The following PAIP2 variants were observed in gnomAD, a reference collection of about 807,000 sequenced individuals.
The protein encoded by PAIP2 is poly(A) binding protein interacting protein 2.
A neutral mutation model predicts 14.8 loss-of-function variants in PAIP2; 7 were observed. That is an observed-to-expected ratio of 0.47 (90% CI 0.27 to 0.89). The LOEUF is 0.89. Ranked by LOEUF, PAIP2 falls within the 40% of genes least tolerant of loss-of-function variation. The pLI, the probability that PAIP2 is intolerant of heterozygous loss-of-function variation, is 0.13. For synonymous variants in PAIP2, 47 were observed against 45.3 expected (o/e 1.04, Z -0.15); for missense variants, 122 against 154.7 (o/e 0.79, Z 1.12).
intron 1 of PAIP2, among the ~76,000 whole-genome samples, chr5:139,345,817 T>G (rs1336845571): frequency 6.6e-6 from 1 of 151,124 alleles, no homozygotes; most frequent in African/African-American, 2.4e-5. Context: ...TTAGGAGAGA[T>G]GGGGTTTCAC....
At chr5:139,351,674 A>G (rs1445376715) in intron 1 of PAIP2, among the ~76,000 whole-genome samples, 3 of 151,736 alleles carry the variant, frequency 2.0e-5, no homozygotes, top group Non-Finnish European at 4.4e-5. Context: ...TGTACTTTTT[A>G]CATTCATCCC....
intron 1 of PAIP2, among the ~76,000 whole-genome samples, chr5:139,347,301 T>G (rs1756581601): frequency 7.2e-6 from 1 of 138,418 alleles, no homozygotes; most frequent in Non-Finnish European, 1.5e-5. Flanking sequence ...TAAGACACAG[T>G]TCCGCTCTGT....
intron 1 of PAIP2, among the ~76,000 whole-genome samples, chr5:139,362,535 G>A (rs1391921439): frequency 2.7e-5 from 4 of 148,366 alleles, no homozygotes; most frequent in Non-Finnish European, 5.9e-5. Context: ...CTCAGCCTCC[G>A]GAGTAGCTGG....
At chr5:139,363,553 C>CA (rs1179447062) in intron 1 of PAIP2, among the ~76,000 whole-genome samples, 1 of 151,720 alleles carries the variant, frequency 6.6e-6, no homozygotes, top group Non-Finnish European at 1.5e-5. Context: ...CTTGTTTCTA[C>CA]AAAAAATAAA....
In PAIP2 at chr5:139,363,821, A is replaced by T. The variant is rs1057506035; in HGVS notation, c.37A>T (p.Ile13Phe). Residue 13 changes from isoleucine to phenylalanine, a missense_variant, in exon 2 of 4, where the codon ATC becomes TTC. Around this residue, in one of 3 missense-constraint regions of PAIP2, gnomAD observed 42 missense variants for 36.7 expected, o/e 1.15. Transcript: ENST00000265192. ...AAGTCGCAGCAGTACTAGCCCAAGC[A>T]TCATCAATGAAGATGTGATTATTAA... ...DPSRSSTSPS[I>F]INEDVIINGH... 1.2e-6 allele frequency: 2 copies of T among 1,614,206 alleles called. No homozygotes were observed.
chr5:139,369,219 ATC>A lies in PAIP2; in HGVS notation c.*424_*425del, dbSNP rs1757496858. 6.5e-6 allele frequency: 1 copy of A among 153,982 alleles called. No homozygotes were observed. 9.5% of individuals were successfully genotyped at this position (153,982 alleles called of 1,614,324 possible). A position where few individuals can be genotyped will look rare whatever the true frequency, so the allele number is the denominator to read the frequency against. ...TTTGATTATGTCCCCATCAAAAAGA[ATC>A]TCCATTTTCTGAAGGTCTGTTAGTT... On this transcript the variant is annotated 3_prime_UTR_variant, in exon 4 of 4. Transcript: ENST00000265192.
intron 1 of PAIP2, among the ~76,000 whole-genome samples, chr5:139,358,712 T>A (rs1256054233): frequency 6.6e-6 from 1 of 152,204 alleles, no homozygotes; most frequent in Non-Finnish European, 1.5e-5. Flanking sequence ...TGCTACAACA[T>A]AGGTGAACCT....
chr5:139,368,361 TAAATA>T (rs1206589730), intron 3 of PAIP2, among the ~76,000 whole-genome samples: 1 of 146,086 alleles, frequency 6.8e-6, no homozygotes, highest in African/African-American at 2.6e-5. Context: ...ACTAAATAAA[TAAATA>T]AAAATACAAA....
intron 1 of PAIP2, among the ~76,000 whole-genome samples, chr5:139,355,472 A>G (rs1230463339): frequency 6.6e-6 from 1 of 152,028 alleles, no homozygotes; most frequent in African/African-American, 2.4e-5. Flanking sequence ...ACGGCCCACT[A>G]TTTGTCTCTA....
intron 1 of PAIP2, among the ~76,000 whole-genome samples, chr5:139,361,804 G>T (rs1757073447): frequency 6.6e-6 from 1 of 152,102 alleles, no homozygotes; most frequent in African/African-American, 2.4e-5. Context: ...AGTTAGCCAG[G>T]TGATAATGGC....
intron 3 of PAIP2, among the ~76,000 whole-genome samples, chr5:139,366,655 A>T (rs923345586): frequency 6.6e-6 from 1 of 152,188 alleles, no homozygotes; most frequent in Non-Finnish European, 1.5e-5. Context: ...ATAATGTATA[A>T]CTTTAATCTG....
chr5:139,368,475 G>T (rs1156741454), intron 3 of PAIP2, among the ~76,000 whole-genome samples: 1 of 152,240 alleles, frequency 6.6e-6, no homozygotes, highest in Non-Finnish European at 1.5e-5. Flanking sequence ...GTTGCAGTAA[G>T]CCTAGATTGT....
chr5:139,351,718 G>T (rs981034287), intron 1 of PAIP2, among the ~76,000 whole-genome samples: 1 of 151,876 alleles, frequency 6.6e-6, no homozygotes, highest in African/African-American at 2.4e-5. Flanking sequence ...GGGTCTTGCT[G>T]TATCACCCAG....
chr5:139,362,405 GTTTTT>G (rs554669690), intron 1 of PAIP2, among the ~76,000 whole-genome samples: 2 of 73,928 alleles, frequency 2.7e-5, no homozygotes, highest in African/African-American at 5.2e-5. Flanking sequence ...GTTTTTGGGT[GTTTTT>G]TTTTTTTTTT....
chr5:139,365,918 T>C (rs1757222541), intron 3 of PAIP2, among the ~76,000 whole-genome samples: 1 of 152,190 alleles, frequency 6.6e-6, no homozygotes, highest in South Asian at 2.1e-4. Flanking sequence ...TAATCTTGTC[T>C]TGGCTGGGTG....
Position 139,363,847 on chromosome 5 carries a change from C to T in PAIP2, c.63C>T (p.Asn21=), listed in dbSNP as rs755406749. Residue 21 remains asparagine (N), a synonymous_variant, in exon 2 of 4, where the codon AAC becomes AAT. Transcript: ENST00000265192. ...TCATCAATGAAGATGTGATTATTAA[C>T]GGTCATTCTCATGAAGATGACAATC... is the stretch of plus-strand genomic sequence containing the variant. ...PSIINEDVII[N]GHSHEDDNPF... is the part of the protein sequence containing the mutation. The T allele has an allele frequency of 2.0e-5, 33 of 1,613,334 alleles. No homozygotes were observed. Among genetic ancestry groups the T allele is most frequent in the South Asian group, 3.3e-5 (3 of 91,078 alleles).
In PAIP2 at chr5:139,364,707, TG is replaced by T; in HGVS notation, c.283del (p.Val95LeufsTer17). The T allele has an allele frequency of 6.2e-7, 1 of 1,612,390 alleles. No individual in the cohort carries two copies. The highest frequency in any genetic ancestry group is 1.1e-5 in the South Asian group (1 of 90,722). ...AAATCCAAGACCAGTTTAATGACCT[TG>T]TTATCAGTGATGGCTCTTCTCTGGA... is the stretch of plus-strand genomic sequence containing the variant. ...DQIQDQFNDL[V>X]ISDGSSLEDL... On this transcript the variant is annotated frameshift_variant, in exon 3 of 4. Transcript: ENST00000265192. LOFTEE classifies it high-confidence loss of function.
intron 1 of PAIP2, among the ~76,000 whole-genome samples, chr5:139,355,128 G>A (rs1455340122): frequency 7.0e-6 from 1 of 143,288 alleles, no homozygotes; most frequent in Non-Finnish European, 1.5e-5. Context: ...ACCTGGCCCA[G>A]TTTACTTTTA....
chr5:139,354,026 C>T (rs1006636703), intron 1 of PAIP2, among the ~76,000 whole-genome samples: 2 of 152,100 alleles, frequency 1.3e-5, no homozygotes, highest in Non-Finnish European at 2.9e-5. Flanking sequence ...CCAGCCTTAT[C>T]TTTTAAATAA....
Sources: allele counts gnomAD v4.1 joint callset (sites outside exome capture counted in the v4.1 genomes callset), GRCh38; gene constraint gnomAD v4.1.1; regional missense constraint gnomAD v4.1.1; transcripts MANE v1.5; gene names NCBI Gene and HGNC (gene_info 2026-07-23, HGNC 2026-07-21).